Variants in LUZP1 observed in about 807,000 individuals in gnomAD.
LUZP1 encodes the protein filamin mechanobinding actin cross-linking protein.
Under a neutral mutation model 71.3 loss-of-function variants are expected in LUZP1, and 25 were observed. The ratio of observed to expected loss-of-function variants is 0.35; its 90% CI spans 0.26 to 0.49. The LOEUF (loss-of-function observed/expected upper bound fraction) is 0.49. Among genes scored for constraint, LUZP1 ranks in the 20% least tolerant of loss-of-function variants. LUZP1 has a pLI of 0.99. For missense variants in LUZP1, 1,142 were observed against 1,300.8 expected (o/e 0.88, Z 1.88); for synonymous variants, 481 against 506.4 (o/e 0.95, Z 0.67).
intron 2 of LUZP1, among the ~76,000 whole-genome samples, chr1:23,126,141 C>T (rs781003450): frequency 6.6e-6 from 1 of 152,204 alleles, no homozygotes; most frequent in Non-Finnish European, 1.5e-5. Context: ...AATGGTATAA[C>T]CCACAGTAAA....
At chr1:23,139,499 C>T (rs1240277689) in intron 2 of LUZP1, among the ~76,000 whole-genome samples, 1 of 152,170 alleles carries the variant, frequency 6.6e-6, no homozygotes, top group African/African-American at 2.4e-5. Context: ...TCTCCCTCCT[C>T]AGCCTACTCA....
chr1:23,175,459 C>T (rs537006268), intron 1 of LUZP1, among the ~76,000 whole-genome samples: 25 of 152,274 alleles, frequency 1.6e-4, no homozygotes, highest in Non-Finnish European at 3.2e-4. Flanking sequence ...TGGTGCTTTC[C>T]CCCCTAGTGT....
intron 2 of LUZP1, among the ~76,000 whole-genome samples, chr1:23,139,044 A>G (rs1162229106): frequency 3.7e-5 from 5 of 135,496 alleles, no homozygotes; most frequent in Non-Finnish European, 7.7e-5. Context: ...ATATATATAT[A>G]TACACACATC....
At chr1:23,145,183 G>A (rs1644332400) in intron 2 of LUZP1, among the ~76,000 whole-genome samples, 1 of 152,060 alleles carries the variant, frequency 6.6e-6, no homozygotes, top group South Asian at 2.1e-4. Flanking sequence ...GCTTACAGGT[G>A]AGCCACTATG....
intron 3 of LUZP1, among the ~76,000 whole-genome samples, chr1:23,104,717 T>G (rs543004005): frequency 6.6e-6 from 1 of 152,298 alleles, no homozygotes; most frequent in East Asian, 1.9e-4. Context: ...CTTATAAATG[T>G]TTTGTAAATA....
chr1:23,103,920 A>G (rs1370575550), intron 3 of LUZP1, among the ~76,000 whole-genome samples: 85 of 16,918 alleles, frequency 5.0e-3, no homozygotes, highest in Non-Finnish European at 6.3e-3. Context: ...GGAGGGAGGG[A>G]GGGGGGGAAG....
exon 5 of LUZP1, chr1:23,085,673 C>A (rs1201200810): frequency 6.6e-6 from 1 of 152,398 alleles, no homozygotes; most frequent in African/African-American, 2.4e-5. Flanking sequence ...GAACACTCCA[C>A]TGACGGGGGT....
chr1:23,130,740 G>T (rs1228065584), intron 2 of LUZP1, among the ~76,000 whole-genome samples: 1 of 151,926 alleles, frequency 6.6e-6, no homozygotes, highest in Non-Finnish European at 1.5e-5. Context: ...AGTACTATTT[G>T]TATTCATCAA....
At chr1:23,083,851 T>G (rs1422310803), downstream of LUZP1, among the ~76,000 whole-genome samples, 1 of 152,166 alleles carries the variant, frequency 6.6e-6, no homozygotes, top group Non-Finnish European at 1.5e-5. Flanking sequence ...TTTGATCAGG[T>G]CAGAAGATAA....
chr1:23,104,585 T>C (rs1342973097), intron 3 of LUZP1, among the ~76,000 whole-genome samples: 1 of 152,188 alleles, frequency 6.6e-6, no homozygotes, highest in East Asian at 1.9e-4. Context: ...GATGCTTCTA[T>C]CACTATATCC....
At chr1:23,110,310 A>G (rs991678808) in intron 2 of LUZP1, among the ~76,000 whole-genome samples, 1 of 152,204 alleles carries the variant, frequency 6.6e-6, no homozygotes, top group African/African-American at 2.4e-5. Flanking sequence ...TGAAAAGCCT[A>G]CCATCCCATT....
At chr1:23,117,971 TCC>T (rs775567552) in intron 2 of LUZP1, among the ~76,000 whole-genome samples, 6 of 152,088 alleles carry the variant, frequency 3.9e-5, no homozygotes, top group Non-Finnish European at 7.4e-5. Context: ...ACGCCTGTAG[TCC>T]CAGCTAATCA....
chr1:23,168,607 T>TC (rs1644529962), intron 2 of LUZP1, among the ~76,000 whole-genome samples, 159 bp downstream of exon 1: 1 of 109,166 alleles, frequency 9.2e-6, no homozygotes, highest in Non-Finnish European at 1.8e-5. Flanking sequence ...ATTCCAACTC[T>TC]CCCCCAACTC....
intron 2 of LUZP1, among the ~76,000 whole-genome samples, chr1:23,131,449 T>G (rs1644214337): frequency 3.9e-5 from 6 of 152,076 alleles, no homozygotes; most frequent in Admixed American, 3.3e-4. Context: ...ATTATTCTGT[T>G]GATATGTTTA....
chr1:23,092,268 A>T (rs1397568089), exon 4 of LUZP1: 1 of 1,614,178 alleles, frequency 6.2e-7, no homozygotes. Flanking sequence ...AAGAGATGCT[A>T]TGTCCAAGTC....
intron 2 of LUZP1, among the ~76,000 whole-genome samples, chr1:23,164,557 G>A (rs189861503): frequency 6.9e-4 from 105 of 152,080 alleles, no homozygotes; most frequent in Middle Eastern, 6.8e-3. Context: ...AAAATAAAGA[G>A]AAGGTAGAAA....
chr1:23,164,417 G>A (rs972799807), intron 2 of LUZP1, among the ~76,000 whole-genome samples: 1 of 151,674 alleles, frequency 6.6e-6, no homozygotes, highest in African/African-American at 2.4e-5. Flanking sequence ...GCGTGAACCC[G>A]GGAGGCGGAG....
chr1:23,168,120 G>A (rs1235847709), intron 2 of LUZP1, among the ~76,000 whole-genome samples: 2 of 147,034 alleles, frequency 1.4e-5, no homozygotes, highest in Non-Finnish European at 3.0e-5. Context: ...GCGGGCCGGC[G>A]CGGCCGACAG....
intron 3 of LUZP1, among the ~76,000 whole-genome samples, chr1:23,102,990 G>A (rs1350698129): frequency 6.6e-6 from 1 of 151,782 alleles, no homozygotes; most frequent in Non-Finnish European, 1.5e-5. Context: ...GTCATGCAGT[G>A]GAGCAATCAC....
Sources: gnomAD v4.1 joint callset for allele counts (sites outside exome capture counted in the v4.1 genomes callset) on GRCh38, gnomAD v4.1.1 for gene constraint, MANE v1.5 for transcripts, NCBI Gene and HGNC (gene_info 2026-07-23, HGNC 2026-07-21) for gene names.